FAT3: variants seen among roughly 807,000 people sequenced by gnomAD.
FAT3 encodes protocadherin Fat 3.
FAT3 carries 95 observed loss-of-function variants against 310.2 expected under a neutral mutation model. The observed-to-expected ratio is 0.31, with a 90% CI of 0.26 to 0.36. FAT3 has a LOEUF of 0.36. Ranked by LOEUF, FAT3 falls within the 10% of genes least tolerant of loss-of-function variation. The pLI, the probability that FAT3 is intolerant of heterozygous loss-of-function variation, is 1.00. For missense variants in FAT3, 5,408 were observed against 5,715.6 expected (o/e 0.95, Z 1.74); for synonymous variants, 2,314 against 2,192.9 (o/e 1.06, Z -1.54).
intron 3 of FAT3, among the ~76,000 whole-genome samples, chr11:92,533,076 CA>C (rs1211811219): frequency 6.6e-6 from 1 of 152,126 alleles, no homozygotes; most frequent in Non-Finnish European, 1.5e-5. Context: ...CGCTGTTGCC[CA>C]GGCTGGAGTG....
intron 2 of FAT3, among the ~76,000 whole-genome samples, chr11:92,440,560 C>G (rs932224592): frequency 6.6e-6 from 1 of 152,028 alleles, no homozygotes. Flanking sequence ...GAGCCTTCAG[C>G]CTATAGAGAA....
chr11:92,853,815 T>G (rs1312389188), intron 19 of FAT3, among the ~76,000 whole-genome samples: 1 of 152,158 alleles, frequency 6.6e-6, no homozygotes, highest in Non-Finnish European at 1.5e-5. Flanking sequence ...ACATGCATGC[T>G]GATTGGTCCA....
At chr11:92,789,826 C>G (rs1565594639) in intron 7 of FAT3, 117 bp from the exon 8 acceptor site, 1 of 981,742 alleles carries the variant, frequency 1.0e-6, no homozygotes. Context: ...GTTGCAAGAG[C>G]TACTAGAAGC....
chr11:92,239,094 C>T (rs1864557433), intron 1 of FAT3, among the ~76,000 whole-genome samples: 1 of 152,068 alleles, frequency 6.6e-6, no homozygotes, highest in Admixed American at 6.6e-5. Flanking sequence ...TGGTATTTCT[C>T]TACTAAAGAA....
Position 92,799,878 on chromosome 11 carries a change from C to G in FAT3, c.6865C>G (p.Gln2289Glu). The G allele has an allele frequency of 6.2e-7, 1 of 1,613,090 alleles. No homozygotes were observed. Among genetic ancestry groups the G allele is most frequent in the Non-Finnish European group, 8.5e-7 (1 of 1,179,524 alleles). The change falls in exon 10 of 28, where the codon CAG becomes GAG. Residue 2289 changes from glutamine (Q) to glutamate (E), a missense_variant. Physicochemically the swap from Gln to Glu is conservative, Grantham distance 29. This residue lies in a region of FAT3 where 4,588 missense variants were observed against 4,809.8 expected (regional missense o/e 0.95). Coordinates refer to ENST00000525166, the MANE Select transcript of FAT3 (RefSeq NM_001367949.2). ...DVNDNPPIFD[Q>E]PTYNTTLSEA... Reference sequence around the variant, plus strand: ...AAATGACAACCCCCCTATTTTCGATCAGCCTACATACAATACAACACTATC... The same window carrying G: ...AAATGACAACCCCCCTATTTTCGATGAGCCTACATACAATACAACACTATC...
intron 2 of FAT3, among the ~76,000 whole-genome samples, chr11:92,503,296 G>A (rs949189241): frequency 1.3e-5 from 2 of 152,084 alleles, no homozygotes; most frequent in African/African-American, 4.8e-5. Flanking sequence ...AAAAAAAGTA[G>A]TAGTCATTTT....
intron 7 of FAT3, among the ~76,000 whole-genome samples, chr11:92,779,685 G>A (rs1946689165): frequency 6.6e-6 from 1 of 152,104 alleles, no homozygotes; most frequent in East Asian, 1.9e-4. Flanking sequence ...TTGGATTTGT[G>A]AATATGTTAT....
Position 92,291,116 on chromosome 11 carries a change from CAT to C in FAT3, c.-17-60979_-17-60978del, listed in dbSNP as rs1217753195. On this transcript the variant is annotated intron_variant, in intron 1 of 27. Transcript: ENST00000525166. Reference sequence around the variant, plus strand: ...ACACACACACACACACACACACACACATGCACGCGCGCAGAAGTAGGTGGGTA... The same window carrying C: ...ACACACACACACACACACACACACACGCACGCGCGCAGAAGTAGGTGGGTA... Among the ~76,000 whole-genome samples the C allele has an allele frequency of 2.4e-3, 368 of 150,896 alleles. 2 individuals are homozygous for C. Among genetic ancestry groups the C allele is most frequent in the Middle Eastern group, 3.4e-3 (1 of 292 alleles).
chr11:92,698,670 G>C (rs1369902316), intron 4 of FAT3, among the ~76,000 whole-genome samples: 4 of 151,470 alleles, frequency 2.6e-5, no homozygotes, highest in African/African-American at 9.7e-5. Flanking sequence ...AAAGATAAAA[G>C]GCTCCAGGCT....
intron 2 of FAT3, among the ~76,000 whole-genome samples, chr11:92,384,981 C>T (rs1488863377): frequency 6.6e-6 from 1 of 152,128 alleles, no homozygotes; most frequent in Non-Finnish European, 1.5e-5. Flanking sequence ...CCCAGATTTC[C>T]GCAGACAACC....
At chr11:92,632,259 A>T (rs2135705204) in intron 3 of FAT3, among the ~76,000 whole-genome samples, 1 of 152,312 alleles carries the variant, frequency 6.6e-6, no homozygotes, top group African/African-American at 2.4e-5. Flanking sequence ...TAGGCACAGT[A>T]TGGATAATTT....
Position 92,566,667 on chromosome 11 carries a change from A to C in FAT3, c.3607+41719A>C, listed in dbSNP as rs1955460773. 2.0e-5 allele frequency among the ~76,000 whole-genome samples: 3 copies of C among 150,802 alleles called. No homozygotes were observed. In the South Asian group the frequency reaches 6.3e-4, roughly 32 times the overall value. On this transcript the variant is annotated intron_variant, in intron 3 of 27. Coordinates refer to ENST00000525166, the MANE Select transcript of FAT3 (RefSeq NM_001367949.2). ...ACAAGGCTACAGTAACCAAAACAGC[A>C]TGGTACTGGTACCAAAACAGAGATA... is the stretch of plus-strand genomic sequence containing the variant.
chr11:92,622,731 A>G (rs1208715306), intron 3 of FAT3, among the ~76,000 whole-genome samples: 1 of 152,208 alleles, frequency 6.6e-6, no homozygotes, highest in Non-Finnish European at 1.5e-5. Flanking sequence ...TTTCAATTGC[A>G]CGGTCACAGA....
At chr11:92,253,796 T>G (rs920428643) in intron 1 of FAT3, among the ~76,000 whole-genome samples, 1 of 152,120 alleles carries the variant, frequency 6.6e-6, no homozygotes, top group Non-Finnish European at 1.5e-5. Flanking sequence ...AAAGTCAGAT[T>G]TTGTGAGGAA....
intron 13 of FAT3, among the ~76,000 whole-genome samples, chr11:92,811,210 AG>A (rs759371294): frequency 8.5e-5 from 13 of 152,244 alleles, no homozygotes; most frequent in Non-Finnish European, 1.5e-4. Context: ...ACCTACAAAT[AG>A]TCTCTTTTTT....
At chr11:92,334,413 C>G (rs1948000692) in intron 1 of FAT3, among the ~76,000 whole-genome samples, 1 of 152,078 alleles carries the variant, frequency 6.6e-6, no homozygotes, top group Non-Finnish European at 1.5e-5. Flanking sequence ...TTTGGTAGAT[C>G]TTTAAAAGTA....
At chr11:92,240,860 CAGTT>C (rs1198159227) in intron 1 of FAT3, among the ~76,000 whole-genome samples, 3 of 151,988 alleles carry the variant, frequency 2.0e-5, no homozygotes, top group African/African-American at 7.2e-5. Flanking sequence ...TGGTTTTGCT[CAGTT>C]ACTCAGTAGC....
chr11:92,411,774 G>A lies in FAT3; in HGVS notation c.3292+56370G>A, dbSNP rs1338436698. ...TATTTTTTCTGAATCTAAATTCATC[G>A]TGTCTTCTCAAAAGCCTGTTTCCTC... On this transcript the variant is annotated intron_variant, in intron 2 of 27. Coordinates refer to ENST00000525166, the MANE Select transcript of FAT3 (RefSeq NM_001367949.2). 1.9e-4 allele frequency among the ~76,000 whole-genome samples: 29 copies of A among 151,622 alleles called. 1 individual carries two copies. The highest frequency in any genetic ancestry group is 1.4e-3 in the Admixed American group (22 of 15,188).
intron 1 of FAT3, among the ~76,000 whole-genome samples, chr11:92,265,814 T>C (rs1591027827): frequency 1.3e-5 from 2 of 152,108 alleles, no homozygotes; most frequent in Middle Eastern, 6.8e-3. Flanking sequence ...CTCATGAGAC[T>C]CTACCCTCAT....
Sources: allele counts gnomAD v4.1 joint callset (sites outside exome capture counted in the v4.1 genomes callset), GRCh38; gene constraint gnomAD v4.1.1; regional missense constraint gnomAD v4.1.1; transcripts MANE v1.5; gene names NCBI Gene and HGNC (gene_info 2026-07-23, HGNC 2026-07-21).